The following FAM193A variants were observed in gnomAD, a reference collection of about 807,000 sequenced individuals.
The protein encoded by FAM193A is protein FAM193A.
A neutral mutation model predicts 126.5 loss-of-function variants in FAM193A; 22 were observed. That is an observed-to-expected ratio of 0.17 (90% CI 0.12 to 0.25). FAM193A has a LOEUF of 0.25. FAM193A is among the 10% of genes least tolerant of loss of function. The pLI, the probability that FAM193A is intolerant of heterozygous loss-of-function variation, is 1.00. For synonymous variants in FAM193A, 761 were observed against 646.8 expected (o/e 1.18, Z -2.68); for missense variants, 1,675 against 1,672.8 (o/e 1.00, Z -0.02).
At chr4:2,549,213 C>G (rs189291736) in intron 1 of FAM193A, among the ~76,000 whole-genome samples, 11 of 150,964 alleles carry the variant, frequency 7.3e-5, no homozygotes, top group Admixed American at 2.0e-4. Flanking sequence ...TGCTGGGATA[C>G]AGGTGTGAGC....
At chr4:2,602,505 C>T (rs966829531) in intron 2 of FAM193A, among the ~76,000 whole-genome samples, 4 of 151,872 alleles carry the variant, frequency 2.6e-5, no homozygotes, top group African/African-American at 7.3e-5. Flanking sequence ...AGGCACGTGC[C>T]ATCAACCCAG....
At chr4:2,591,210 C>G (rs1740552715) in intron 1 of FAM193A, among the ~76,000 whole-genome samples, 1 of 151,930 alleles carries the variant, frequency 6.6e-6, no homozygotes, top group South Asian at 2.1e-4. Flanking sequence ...TTTAGGGAAG[C>G]AAGCAGCAAG....
Position 2,549,402 on chromosome 4 carries a change from T to C in FAM193A, c.255+12232T>C, listed in dbSNP as rs538503099. On this transcript the variant is annotated intron_variant, in intron 1 of 20. Transcript: ENST00000637812. ...TCTATGTTTTCTTTTTTTCTTTTTTTTTTTTTTTTTTTGAGACGGAGTCTC... is the reference window on the plus strand; with the variant it reads ...TCTATGTTTTCTTTTTTTCTTTTTTCTTTTTTTTTTTTGAGACGGAGTCTC... Among the ~76,000 whole-genome samples the C allele has an allele frequency of 2.2e-3, 307 of 138,824 alleles. 6 individuals carry two copies. Among genetic ancestry groups the C allele is most frequent in the Admixed American group, 4.2e-3 (60 of 14,124 alleles). The allele number at this position is 138,824 out of a possible 152,430, so 91.1% of individuals were successfully genotyped here. A position where few individuals can be genotyped will look rare whatever the true frequency, so the allele number is the denominator to read the frequency against.
At chr4:2,658,510 C>T (rs1344496399) in intron 8 of FAM193A, among the ~76,000 whole-genome samples, 1 of 152,096 alleles carries the variant, frequency 6.6e-6, no homozygotes, top group Non-Finnish European at 1.5e-5. Context: ...CCCTGATCTC[C>T]CATCCACGTG....
chr4:2,681,865 A>G (rs566563766), intron 13 of FAM193A, among the ~76,000 whole-genome samples: 1 of 149,932 alleles, frequency 6.7e-6, no homozygotes, highest in South Asian at 2.1e-4. Context: ...AAGTTTCAGT[A>G]TGTTATGTTT....
chr4:2,719,309 TC>T (rs1204881940), intron 20 of FAM193A, among the ~76,000 whole-genome samples: 2 of 152,098 alleles, frequency 1.3e-5, no homozygotes, highest in East Asian at 3.9e-4. Flanking sequence ...AGACTCCGTC[TC>T]AAAAATATTC....
At chr4:2,706,099 T>A (rs753686092) in intron 19 of FAM193A, among the ~76,000 whole-genome samples, 1 of 152,092 alleles carries the variant, frequency 6.6e-6, no homozygotes, top group South Asian at 2.1e-4. Flanking sequence ...TCTCAGCCAC[T>A]TGGAAGGCTG....
In FAM193A at chr4:2,646,670, C is replaced by T. The variant is rs1366986435; in HGVS notation, c.1164-15C>T. The T allele has an allele frequency of 6.3e-7, 1 of 1,585,600 alleles. No homozygotes were observed. Among genetic ancestry groups the T allele is most frequent in the Non-Finnish European group, 8.6e-7 (1 of 1,167,244 alleles). ...TTGGGTTCTTTCCTTTGTTACAAGG[C>T]CTTCTCTCTCCTAGGCTAGGAACCA... On this transcript the variant is annotated splice_polypyrimidine_tract_variant and intron_variant, in intron 6 of 20. Coordinates refer to ENST00000637812, the MANE Select transcript of FAM193A (RefSeq NM_001366318.2).
intron 1 of FAM193A, among the ~76,000 whole-genome samples, chr4:2,570,815 A>G (rs1020298252): frequency 6.6e-6 from 1 of 152,046 alleles, no homozygotes; most frequent in African/African-American, 2.4e-5. Context: ...GATTTAGGAG[A>G]ATGCGTATTT....
intron 7 of FAM193A, among the ~76,000 whole-genome samples, chr4:2,650,588 C>T (rs1325791730): frequency 2.6e-5 from 4 of 152,186 alleles, no homozygotes; most frequent in Middle Eastern, 3.4e-3. Context: ...CTGTGCAGGG[C>T]GGGGTTTCAA....
At chr4:2,551,212 T>C (rs1406031172) in intron 1 of FAM193A, among the ~76,000 whole-genome samples, 1 of 152,210 alleles carries the variant, frequency 6.6e-6, no homozygotes, top group Non-Finnish European at 1.5e-5. Flanking sequence ...CTGATTTTGG[T>C]TTTACAGGTT....
chr4:2,664,507 A>C (rs544309137), intron 12 of FAM193A, among the ~76,000 whole-genome samples: 1 of 143,240 alleles, frequency 7.0e-6, no homozygotes, highest in South Asian at 2.4e-4. Flanking sequence ...GGAAAATGGG[A>C]TAGGGTCTTC....
intron 1 of FAM193A, among the ~76,000 whole-genome samples, chr4:2,589,766 A>T (rs980983113): frequency 6.6e-6 from 1 of 152,216 alleles, no homozygotes; most frequent in Non-Finnish European, 1.5e-5. Context: ...CAGGAAAGAA[A>T]GGGTGAAAAG....
At chr4:2,605,829 G>A (rs1741502741) in intron 2 of FAM193A, among the ~76,000 whole-genome samples, 1 of 151,612 alleles carries the variant, frequency 6.6e-6, no homozygotes, top group South Asian at 2.1e-4. Flanking sequence ...AAATTAGCCC[G>A]TCATGGTGGC....
At chr4:2,666,511 G>A (rs1713131524) in intron 12 of FAM193A, among the ~76,000 whole-genome samples, 1 of 152,166 alleles carries the variant, frequency 6.6e-6, no homozygotes, top group Admixed American at 6.5e-5. Flanking sequence ...TTTGGTATCA[G>A]AGTAATACTG....
chr4:2,552,875 T>C (rs1236739771), intron 1 of FAM193A, among the ~76,000 whole-genome samples: 41 of 135,330 alleles, frequency 3.0e-4, no homozygotes, highest in Non-Finnish European at 5.7e-4. Context: ...TTTGAGACAG[T>C]CTTGTTCCAT....
intron 6 of FAM193A, among the ~76,000 whole-genome samples, chr4:2,641,064 A>G (rs73207348): frequency 0.31 from 46,998 of 151,434 alleles, 9,165 homozygotes; most frequent in Admixed American, 0.51. Flanking sequence ...TTTTTGAGAC[A>G]GTGTCTTGCT....
chr4:2,722,932 C>T (rs367851293), intron 20 of FAM193A, among the ~76,000 whole-genome samples: 2 of 152,230 alleles, frequency 1.3e-5, no homozygotes, highest in South Asian at 2.1e-4. Context: ...GCTGGGATTG[C>T]AGGAATGAGC....
At position 2,644,360 on chromosome 4, in the gene FAM193A, G is replaced by T. The variant is rs368069575; in HGVS notation, c.1164-2325G>T. ...GCCGCATCCCAACGTTCCAGGTGGA[G>T]CAAGTAGGGGCAGGATGGAATTGGG... On this transcript the variant is annotated intron_variant, in intron 6 of 20. Coordinates refer to ENST00000637812, the MANE Select transcript of FAM193A (RefSeq NM_001366318.2). 2.4e-4 allele frequency among the ~76,000 whole-genome samples: 37 copies of T among 152,288 alleles called. No homozygotes were observed. The South Asian group carries it at 3.1e-3, about 13-fold the overall frequency.
Sources: allele counts gnomAD v4.1 joint callset (sites outside exome capture counted in the v4.1 genomes callset), GRCh38; gene constraint gnomAD v4.1.1; transcripts MANE v1.5; gene names NCBI Gene and HGNC (gene_info 2026-07-23, HGNC 2026-07-21).